Variants in RGS3 observed in about 807,000 individuals in gnomAD.
RGS3 encodes the protein regulator of G-protein signalling 3.
A neutral mutation model predicts 132.6 loss-of-function variants in RGS3; 80 were observed. That is an observed-to-expected ratio of 0.60 (90% CI 0.50 to 0.73). The LOEUF is 0.73. RGS3 is among the 30% of genes least tolerant of loss of function. The probability of loss-of-function intolerance (pLI) is 0.00; values close to 1 mark genes in which losing one functional copy is unlikely to be tolerated. For missense variants in RGS3, 1,382 were observed against 1,530.8 expected (o/e 0.90, Z 1.62); for synonymous variants, 598 against 620.6 (o/e 0.96, Z 0.54).
rs1316670174 is a variant in RGS3, at chr9:113,565,913, G to GTGTCTGTC, written c.2038-17523_2038-17516dup. On this transcript the variant is annotated intron_variant, in intron 19 of 24. Transcript: ENST00000350696. The surrounding 1 kb of genome is among the most constrained non-coding windows in gnomAD (Gnocchi z 5.7). ...TGTGTGTGTGTGTGTGTGTGTGTGT[G>GTGTCTGTC]TGTCTGTCTGTCTGTCTGTCTCAGG... Among the ~76,000 whole-genome samples, 664 of 144,506 alleles carry GTGTCTGTC rather than the reference G, an allele frequency of 4.6e-3. 7 individuals carry two copies. Among genetic ancestry groups the GTGTCTGTC allele is most frequent in the African/African-American group, 0.016 (613 of 38,548 alleles). 94.8% of individuals were successfully genotyped at this position (144,506 alleles called of 152,430 possible). A position where few individuals can be genotyped will look rare whatever the true frequency, so the allele number is the denominator to read the frequency against.
At chr9:113,597,093 C>T (rs1564632517) in exon 25 of RGS3, 4 of 714,480 alleles carry the variant, frequency 5.6e-6, no homozygotes, top group South Asian at 3.8e-5. Flanking sequence ...CATACGGAAG[C>T]GAGGCCTGGA....
At chr9:113,503,188 A>C (rs1830975702) in intron 10 of RGS3, among the ~76,000 whole-genome samples, 1 of 152,202 alleles carries the variant, frequency 6.6e-6, no homozygotes, top group South Asian at 2.1e-4. Flanking sequence ...GAAGCCGCCA[A>C]GGCCTCGGGG....
At chr9:113,462,793 T>A (rs1375170508) in intron 3 of RGS3, among the ~76,000 whole-genome samples, 3 of 152,234 alleles carry the variant, frequency 2.0e-5, no homozygotes, top group Non-Finnish European at 4.4e-5. Context: ...ATCTTGTTTT[T>A]GAGTGGATCA....
intron 14 of RGS3, among the ~76,000 whole-genome samples, chr9:113,512,301 T>G (rs1831439400): frequency 6.6e-6 from 1 of 152,168 alleles, no homozygotes; most frequent in African/African-American, 2.4e-5. Flanking sequence ...GGGACTGATA[T>G]GTAGGGCCAG....
In RGS3 at chr9:113,565,201, G is replaced by A. The variant is rs1242737373; in HGVS notation, c.2038-18249G>A. The A allele has an allele frequency of 8.8e-6, 11 of 1,247,928 alleles. No individual in the cohort carries two copies. The South Asian group carries it at 9.5e-5, about 11-fold the overall frequency. The allele number at this position is 1,247,928 out of a possible 1,614,324, so 77.3% of individuals were successfully genotyped here. On this transcript the variant is annotated intron_variant, in intron 19 of 24. Transcript: ENST00000350696. This position sits in a 1 kb window ranked among gnomAD's most constrained non-coding sequence, Gnocchi z 5.7. ...AACCCGGGAGCCAGCTGGGCCCCTC[G>A]CGGGGTGGGCAGAAGGACGGGCTGG...
intron 19 of RGS3, among the ~76,000 whole-genome samples, chr9:113,552,566 A>G (rs1373164319): frequency 2.6e-5 from 4 of 151,940 alleles, no homozygotes; most frequent in Non-Finnish European, 5.9e-5. Context: ...AATCCGTCCG[A>G]CTCGGCCTCC....
chr9:113,596,945 C>T, exon 25 of RGS3: 1 of 1,604,886 alleles, frequency 6.2e-7, no homozygotes, highest in South Asian at 1.1e-5. Flanking sequence ...GATGAGTCCC[C>T]CGCTTTAGGG....
intron 7 of RGS3, among the ~76,000 whole-genome samples, chr9:113,494,747 T>TA (rs753987087): frequency 7.2e-5 from 11 of 152,226 alleles, no homozygotes; most frequent in Non-Finnish European, 1.5e-4. Context: ...AGTGCTGGAT[T>TA]ACAGGTGTGA....
At chr9:113,490,962 T>G (rs1211562552) in intron 7 of RGS3, among the ~76,000 whole-genome samples, 1 of 132,412 alleles carries the variant, frequency 7.6e-6, no homozygotes, top group East Asian at 2.1e-4. Flanking sequence ...TCGGTATATA[T>G]AATTATATAT....
chr9:113,521,258 G>C (rs911242770), intron 16 of RGS3, among the ~76,000 whole-genome samples: 2 of 152,120 alleles, frequency 1.3e-5, no homozygotes, highest in Admixed American at 6.5e-5. Flanking sequence ...ACGTCTCCCT[G>C]TTGTCTCTGC....
intron 1 of RGS3, among the ~76,000 whole-genome samples, chr9:113,455,157 C>T (rs1413137009): frequency 2.0e-5 from 3 of 152,308 alleles, no homozygotes; most frequent in Middle Eastern, 3.4e-3. Context: ...CAGCTTGTCT[C>T]TTTTCTGTTT....
At chr9:113,447,329 G>GTGTGTATATATA (rs1554751009) in intron 1 of RGS3, among the ~76,000 whole-genome samples, 1 of 27,536 alleles carries the variant, frequency 3.6e-5, no homozygotes, top group African/African-American at 9.8e-5. Context: ...GTATGTATAT[G>GTGTGTATATATA]TATATATATA....
intron 10 of RGS3, among the ~76,000 whole-genome samples, chr9:113,503,039 C>T (rs577018741): frequency 6.6e-6 from 1 of 152,266 alleles, no homozygotes; most frequent in African/African-American, 2.4e-5. Flanking sequence ...GGATTACAGT[C>T]TAGGCAGGAC....
At chr9:113,593,628 C>A in intron 21 of RGS3, 1 of 423,362 alleles carries the variant, frequency 2.4e-6, no homozygotes. Context: ...GTGACTGAGG[C>A]TGAGAGGCCG....
chr9:113,571,615 G>A (rs1205639338), intron 19 of RGS3, among the ~76,000 whole-genome samples: 5 of 152,010 alleles, frequency 3.3e-5, no homozygotes, highest in Non-Finnish European at 7.4e-5. Flanking sequence ...GTAGATATGT[G>A]TTTATTGTTG....
rs1018787153 is a variant in RGS3, at chr9:113,463,700, A to G, written c.415+1499A>G. The G allele has an allele frequency of 1.3e-5, 19 of 1,433,034 alleles. No individual in the cohort carries two copies. The Admixed American group carries it at 2.9e-4, about 22-fold the overall frequency. 88.8% of individuals were successfully genotyped at this position (1,433,034 alleles called of 1,614,324 possible). On this transcript the variant is annotated intron_variant, in intron 3 of 24. Transcript: ENST00000350696. This position sits in a 1 kb window ranked among gnomAD's most constrained non-coding sequence, Gnocchi z 4.6. ...CCGTTCCAACGCTTGGGGCAGCCCT[A>G]CCTCCCGCTCGCGCTCCTCCCGCCC...
intron 15 of RGS3, among the ~76,000 whole-genome samples, chr9:113,516,619 A>G (rs1431163218): frequency 6.6e-6 from 1 of 152,166 alleles, no homozygotes; most frequent in African/African-American, 2.4e-5. Context: ...TCGGCCTTCC[A>G]AAGTGCTGGG....
At chr9:113,479,464 A>G (rs748971549) in intron 3 of RGS3, 27 bp from the exon 2 acceptor site, 24 of 1,613,296 alleles carry the variant, frequency 1.5e-5, no homozygotes, top group Non-Finnish European at 2.0e-5. Flanking sequence ...AGCTGAGGCA[A>G]GGTTGTTTCT....
Position 113,532,621 on chromosome 9 carries a change from G to A in RGS3, c.1914+3357G>A, listed in dbSNP as rs147618125. On this transcript the variant is annotated intron_variant, in intron 18 of 24. Transcript: ENST00000350696. ...GGCAGGGCAGCAGAGGGTGGTTCTT[G>A]TGGTGTCAGCAAAACAGGCATAATC... 1.4e-3 allele frequency among the ~76,000 whole-genome samples: 214 copies of A among 152,340 alleles called. 6 individuals are homozygous for A. In the East Asian group the frequency reaches 0.037, roughly 26 times the overall value.
Sources: allele counts gnomAD v4.1 joint callset (sites outside exome capture counted in the v4.1 genomes callset), GRCh38; gene constraint gnomAD v4.1.1; non-coding constraint Gnocchi (gnomAD v3.1); transcripts MANE v1.5; gene names NCBI Gene and HGNC (gene_info 2026-07-23, HGNC 2026-07-21).